Variants in CHD1L observed in about 807,000 individuals in gnomAD.
The protein encoded by CHD1L is chromodomain helicase DNA binding protein 1 like.
In CHD1L, 118 loss-of-function variants were observed where a neutral mutation model predicts 115.9. That is an observed-to-expected ratio of 1.02 (90% CI 0.88 to 1.19). The LOEUF (loss-of-function observed/expected upper bound fraction) is 1.19, where lower values mean the gene tolerates loss of function less well. Ranked by LOEUF, CHD1L falls within the 50% of genes most tolerant of loss-of-function variation. The pLI, the probability that CHD1L is intolerant of heterozygous loss-of-function variation, is 0.00. For synonymous variants in CHD1L, 411 were observed against 387.1 expected, an observed-to-expected ratio of 1.06 and a Z score of -0.72; for missense variants, 1,179 against 1,065.3, an observed-to-expected ratio of 1.11 and a Z score of -1.49.
At chr1:147,248,286 C>T (rs1667274953) in intron 1 of CHD1L, among the ~76,000 whole-genome samples, 1 of 152,080 alleles carries the variant, frequency 6.6e-6, no homozygotes, top group African/African-American at 2.4e-5. Flanking sequence ...CAGCTCACCG[C>T]AACCTCCTGC....
At chr1:147,227,093 T>A in the CHD1L span, among the ~76,000 whole-genome samples, 3 of 152,284 alleles carry the variant, frequency 2.0e-5, no homozygotes, top group Non-Finnish European at 2.9e-5. Flanking sequence ...CCTCCCAAAG[T>A]GCTGGGATTA....
chr1:147,225,296 T>A, the CHD1L span: 30 of 725,242 alleles, frequency 4.1e-5, no homozygotes, highest in Non-Finnish European at 6.1e-5. Flanking sequence ...CCGCCTTTCC[T>A]GAAGCGCTCA....
chr1:147,285,734 T>A (rs1279042948), intron 17 of CHD1L, among the ~76,000 whole-genome samples: 1 of 152,228 alleles, frequency 6.6e-6, no homozygotes, highest in Admixed American at 6.5e-5. Flanking sequence ...GTTCTTGCTC[T>A]GTTACCCAGG....
chr1:147,241,634 G>A (rs1664899756), upstream of CHD1L, among the ~76,000 whole-genome samples: 1 of 152,128 alleles, frequency 6.6e-6, no homozygotes, highest in African/African-American at 2.4e-5. Context: ...CACAAAAATA[G>A]CTTCATAAAA....
At chr1:147,200,793 T>C in the CHD1L span, among the ~76,000 whole-genome samples, 5,606 of 152,288 alleles carry the variant, frequency 0.037, 109 homozygotes, top group African/African-American at 0.047. Flanking sequence ...ACTTCAGAAA[T>C]ATATGCCAGT....
rs782146913 is a variant in CHD1L at position 147,255,017 on chromosome 1, AT to A, written c.347+43del. On this transcript the variant is annotated intron_variant, in intron 3 of 22. Transcript: ENST00000369258. ...AGCTGAAATTTTATTGTTTATCTTGATTAAGATTTTTTTTCTGGATGATGTA... is the reference window on the plus strand; with the variant it reads ...AGCTGAAATTTTATTGTTTATCTTGATAAGATTTTTTTTCTGGATGATGTA... 2.1e-6 allele frequency: 3 copies of A among 1,423,956 alleles called. No individual in the cohort carries two copies. In the South Asian group the frequency reaches 4.1e-5, roughly 20 times the overall value. The allele number at this position is 1,423,956 out of a possible 1,614,324, so 88.2% of individuals were successfully genotyped here. A position where few individuals can be genotyped will look rare whatever the true frequency, so the allele number is the denominator to read the frequency against.
upstream of CHD1L, among the ~76,000 whole-genome samples, chr1:147,240,661 T>C (rs1340614204): frequency 6.6e-6 from 1 of 152,108 alleles, no homozygotes; most frequent in Non-Finnish European, 1.5e-5. Context: ...TTGACTGAGA[T>C]AGGAGAAAAC....
At chr1:147,290,472 C>T (rs926394738) in intron 19 of CHD1L, among the ~76,000 whole-genome samples, 2 of 152,138 alleles carry the variant, frequency 1.3e-5, no homozygotes, top group South Asian at 2.1e-4. Context: ...GGTGGCACCA[C>T]GCCGAGGTTG....
the CHD1L span, among the ~76,000 whole-genome samples, chr1:147,188,961 TG>T: frequency 1.3e-5 from 2 of 152,118 alleles, no homozygotes; most frequent in East Asian, 1.9e-4. Context: ...AAAATGAAGT[TG>T]GTCACAGGTG....
Position 147,266,013 on chromosome 1 carries a change from CAG to C in CHD1L, c.823_824del (p.Glu275SerfsTer27). On this transcript the variant is annotated frameshift_variant, in exon 8 of 23. Transcript: ENST00000369258. LOFTEE classifies it high-confidence loss of function. ...GTAGCTACAGAGCTTCCCAAGAAGA[CAG>C]AAGTAGTGATATACCATGGCATGTC... The C allele has an allele frequency of 6.2e-7, 1 of 1,613,634 alleles. No individual in the cohort carries two copies. The highest frequency in any genetic ancestry group is 8.5e-7 in the Non-Finnish European group (1 of 1,179,812).
the CHD1L span, among the ~76,000 whole-genome samples, chr1:147,186,014 G>A: frequency 6.6e-6 from 1 of 152,152 alleles, no homozygotes; most frequent in African/African-American, 2.4e-5. Flanking sequence ...CTCCATGTAA[G>A]GGAGGAGAAA....
At chr1:147,175,661 G>C in the CHD1L span, 1 of 152,092 alleles carries the variant, frequency 6.6e-6, no homozygotes, top group Admixed American at 6.5e-5. Context: ...CAGCCATGCA[G>C]AACTATAAGT....
the CHD1L span, among the ~76,000 whole-genome samples, chr1:147,217,233 C>T: frequency 6.0e-5 from 2 of 33,526 alleles, no homozygotes; most frequent in Non-Finnish European, 1.3e-4. Flanking sequence ...GAGCAAAACT[C>T]CGTCTACAAA....
the CHD1L span, among the ~76,000 whole-genome samples, chr1:147,231,645 C>T: frequency 2.6e-5 from 4 of 152,078 alleles, no homozygotes; most frequent in Admixed American, 1.3e-4. Flanking sequence ...GGAGCTAAGT[C>T]TCTTTGTAGG....
At chr1:147,195,813 CT>C in the CHD1L span, among the ~76,000 whole-genome samples, 3 of 152,098 alleles carry the variant, frequency 2.0e-5, no homozygotes, top group African/African-American at 7.2e-5. Flanking sequence ...TACAAGCATT[CT>C]TTCTACAAGT....
Position 147,295,551 on chromosome 1 carries a change from A to G in CHD1L, c.*42A>G, listed in dbSNP as rs782498243. The stretch of plus-strand genomic sequence containing the variant: ...AGATCCTGTCTTTAGCAACCAGCTA[A>G]TATTTACCCAGAGGTACTGCAATAG... On this transcript the variant is annotated 3_prime_UTR_variant, in exon 23 of 23. Coordinates refer to ENST00000369258, the MANE Select transcript of CHD1L (RefSeq NM_004284.6). 1.3e-5 allele frequency: 19 copies of G among 1,412,044 alleles called. 1 individual carries two copies. The South Asian group carries it at 1.5e-4, about 11-fold the overall frequency. The allele number at this position is 1,412,044 out of a possible 1,614,324, so 87.5% of individuals were successfully genotyped here.
the CHD1L span, among the ~76,000 whole-genome samples, chr1:147,198,632 C>T: frequency 4.6e-5 from 7 of 151,662 alleles, no homozygotes; most frequent in African/African-American, 9.7e-5. Context: ...AGGCGGATCA[C>T]GAGGTCAAGA....
chr1:147,233,957 C>A, the CHD1L span, among the ~76,000 whole-genome samples: 22 of 152,224 alleles, frequency 1.4e-4, no homozygotes, highest in African/African-American at 5.1e-4. Flanking sequence ...ACAAACACTG[C>A]GGAAGGCGGC....
chr1:147,225,290 C>T, the CHD1L span: 5 of 818,720 alleles, frequency 6.1e-6, no homozygotes, highest in East Asian at 7.2e-5. Flanking sequence ...ATCTCACCGC[C>T]TTTCCTGAAG....
Sources: gnomAD v4.1 joint callset for allele counts (sites outside exome capture counted in the v4.1 genomes callset) on GRCh38, gnomAD v4.1.1 for gene constraint, MANE v1.5 for transcripts, NCBI Gene and HGNC (gene_info 2026-07-23, HGNC 2026-07-21) for gene names.